EPB41L4B: variants seen among roughly 807,000 people sequenced by gnomAD.
The protein encoded by EPB41L4B is band 4.1-like protein 4B.
A neutral mutation model predicts 112.5 loss-of-function variants in EPB41L4B; 30 were observed. The ratio of observed to expected loss-of-function variants is 0.27; its 90% CI spans 0.20 to 0.36. The LOEUF (loss-of-function observed/expected upper bound fraction) is 0.36, where lower values mean the gene tolerates loss of function less well. Among genes scored for constraint, EPB41L4B ranks in the 10% least tolerant of loss-of-function variants. The pLI is 1.00. For synonymous variants in EPB41L4B, 408 were observed against 439.7 expected (o/e 0.93, Z 0.90); for missense variants, 1,024 against 1,133.3 (o/e 0.90, Z 1.38).
chr9:109,297,443 C>T (rs1398734143), intron 1 of EPB41L4B, among the ~76,000 whole-genome samples: 2 of 152,220 alleles, frequency 1.3e-5, no homozygotes, highest in Non-Finnish European at 2.9e-5. Context: ...AGCATGACCC[C>T]AACAAAGCCC....
intron 1 of EPB41L4B, chr9:109,300,259 T>C (rs1164274151): frequency 6.6e-6 from 1 of 152,186 alleles, no homozygotes; most frequent in Non-Finnish European, 1.5e-5. Flanking sequence ...ATTTCTATCA[T>C]GTTCCAAATC....
At chr9:109,262,878 TGC>T (rs764322635) in intron 6 of EPB41L4B, among the ~76,000 whole-genome samples, 170 bp downstream of exon 6, 2 of 152,180 alleles carry the variant, frequency 1.3e-5, no homozygotes, top group Non-Finnish European at 2.9e-5. Context: ...CTGCAGTCCT[TGC>T]TACTCCTTGC....
At chr9:109,222,574 AG>A (rs1437193622) in intron 15 of EPB41L4B, among the ~76,000 whole-genome samples, 1 of 152,210 alleles carries the variant, frequency 6.6e-6, no homozygotes, top group Non-Finnish European at 1.5e-5. Flanking sequence ...GCTAAGGCCC[AG>A]GAGATGAGGC....
intron 3 of EPB41L4B, among the ~76,000 whole-genome samples, chr9:109,268,180 T>A (rs1008311132): frequency 6.6e-6 from 1 of 152,224 alleles, no homozygotes; most frequent in Admixed American, 6.5e-5. Flanking sequence ...GAGAGCACAG[T>A]TGGTTTTTCA....
chr9:109,241,870 T>C, intron 15 of EPB41L4B: 1 of 1,561,830 alleles, frequency 6.4e-7, no homozygotes, highest in Non-Finnish European at 8.8e-7. Context: ...GAAATGTAAG[T>C]GAAACAACAC....
chr9:109,261,979 T>G (rs1178168972), intron 6 of EPB41L4B, among the ~76,000 whole-genome samples: 2 of 152,150 alleles, frequency 1.3e-5, no homozygotes, highest in Admixed American at 1.3e-4. Flanking sequence ...ACAACATATG[T>G]CTATCTGATG....
chr9:109,192,095 C>G (rs1026424561), intron 22 of EPB41L4B, among the ~76,000 whole-genome samples, 183 bp downstream of exon 22: 4 of 152,310 alleles, frequency 2.6e-5, no homozygotes, highest in East Asian at 1.9e-4. Flanking sequence ...CTTCCTCCCT[C>G]AAGGGCTCTA....
intron 14 of EPB41L4B, among the ~76,000 whole-genome samples, chr9:109,245,025 T>C (rs1326912972): frequency 3.3e-5 from 5 of 152,208 alleles, no homozygotes. Context: ...AAGCAGACTC[T>C]GCAGCCCCCG....
intron 1 of EPB41L4B, among the ~76,000 whole-genome samples, chr9:109,305,976 C>T: frequency 6.6e-6 from 1 of 152,022 alleles, no homozygotes; most frequent in East Asian, 1.9e-4. Flanking sequence ...TACAGATACA[C>T]AGGTGAGAAG....
intron 24 of EPB41L4B, among the ~76,000 whole-genome samples, chr9:109,178,865 A>G (rs1247308353): frequency 7.2e-6 from 1 of 139,018 alleles, no homozygotes; most frequent in Admixed American, 8.1e-5. Flanking sequence ...AAACTGTACT[A>G]GTAGTCATTG....
At chr9:109,204,330 C>T (rs1832926739) in intron 18 of EPB41L4B, among the ~76,000 whole-genome samples, 1 of 108,972 alleles carries the variant, frequency 9.2e-6, no homozygotes, top group African/African-American at 4.1e-5. Flanking sequence ...CTGCAGCCCT[C>T]ACGACCATCA....
intron 1 of EPB41L4B, among the ~76,000 whole-genome samples, chr9:109,290,318 T>C (rs1490223215): frequency 6.6e-6 from 1 of 152,226 alleles, no homozygotes; most frequent in East Asian, 1.9e-4. Context: ...TATTGTGACT[T>C]TCATCGAAAC....
chr9:109,241,734 G>A (rs200677467), intron 15 of EPB41L4B: 61 of 1,614,000 alleles, frequency 3.8e-5, no homozygotes, highest in Admixed American at 1.7e-4. Context: ...GGTTCTGGTC[G>A]TGGACATAAT....
At chr9:109,270,710 C>T (rs1835578650) in intron 2 of EPB41L4B, among the ~76,000 whole-genome samples, 1 of 152,204 alleles carries the variant, frequency 6.6e-6, no homozygotes, top group Non-Finnish European at 1.5e-5. Context: ...TTTCTTTAGT[C>T]TTCTCACCAC....
At chr9:109,319,795 G>A (rs1837780490) in intron 1 of EPB41L4B, among the ~76,000 whole-genome samples, 1 of 152,112 alleles carries the variant, frequency 6.6e-6, no homozygotes, top group Non-Finnish European at 1.5e-5. Flanking sequence ...AGGGACGGAA[G>A]GGGAGCGCCG....
chr9:109,208,890 AC>A lies in EPB41L4B; in HGVS notation c.1753-842del, dbSNP rs550739724. ...TTTCATATCCCAATGCTAATATGGT[AC>A]CCGGCACATAGTAGATGTCCAATAA... On this transcript the variant is annotated intron_variant, in intron 17 of 25. Transcript: ENST00000374566. 5.3e-5 allele frequency among the ~76,000 whole-genome samples: 8 copies of A among 152,314 alleles called. No individual in the cohort carries two copies. The South Asian group carries it at 1.5e-3, about 28-fold the overall frequency.
chr9:109,241,479 C>T (rs1190758471), intron 15 of EPB41L4B: 1 of 1,378,368 alleles, frequency 7.3e-7, no homozygotes, highest in Non-Finnish European at 9.4e-7. Flanking sequence ...ATGCAGTCAA[C>T]AGTAAATTAT....
At chr9:109,175,476 C>CACACACAT (rs1831788458) in intron 25 of EPB41L4B, among the ~76,000 whole-genome samples, 1 of 139,024 alleles carries the variant, frequency 7.2e-6, no homozygotes, top group African/African-American at 3.1e-5. Context: ...TAAACACACA[C>CACACACAT]ACACACACAC....
chr9:109,320,264 C>A lies in EPB41L4B; in HGVS notation c.183G>T (p.Ala61=). The A allele has an allele frequency of 8.3e-7, 1 of 1,205,342 alleles. No homozygotes were observed. The highest frequency in any genetic ancestry group is 3.5e-5 in the East Asian group (1 of 28,878). The allele number at this position is 1,205,342 out of a possible 1,614,324, so 74.7% of individuals were successfully genotyped here. ...CGCCGGTGAGCAGGGGCCCGCCGCCCGCCGGGAACACGCTGCCCCCGGGCG... is the reference window on the plus strand; with the variant it reads ...CGCCGGTGAGCAGGGGCCCGCCGCCAGCCGGGAACACGCTGCCCCCGGGCG... ...PAAPGGSVFP[A]GGGPLLTGGA... is the part of the protein sequence containing the mutation. The change falls in exon 1 of 26, where the codon GCG becomes GCT. Residue 61 remains alanine, a synonymous_variant. Coordinates refer to ENST00000374566, the MANE Select transcript of EPB41L4B (RefSeq NM_019114.5).
Sources: gnomAD v4.1 joint callset for allele counts (sites outside exome capture counted in the v4.1 genomes callset) on GRCh38, gnomAD v4.1.1 for gene constraint, MANE v1.5 for transcripts, NCBI Gene and HGNC (gene_info 2026-07-23, HGNC 2026-07-21) for gene names.